The following TBK1 variants were observed in gnomAD, a reference collection of about 807,000 sequenced individuals.
The protein encoded by TBK1 is TANK binding kinase 1.
TBK1 carries 37 observed loss-of-function variants against 99.9 expected under a neutral mutation model. The ratio of observed to expected loss-of-function variants is 0.37; its 90% CI spans 0.28 to 0.49. TBK1 has a LOEUF of 0.49. Ranked by LOEUF, TBK1 falls within the 20% of genes least tolerant of loss-of-function variation. The pLI, the probability that TBK1 is intolerant of heterozygous loss-of-function variation, is 0.98. For missense variants in TBK1, 644 were observed against 872.5 expected, an observed-to-expected ratio of 0.74 and a Z score of 3.30; for synonymous variants, 258 against 279.8, an observed-to-expected ratio of 0.92 and a Z score of 0.78.
chr12:64,470,080 A>G (rs2136066204), intron 5 of TBK1, among the ~76,000 whole-genome samples: 1 of 152,328 alleles, frequency 6.6e-6, no homozygotes, highest in Admixed American at 6.5e-5. Context: ...AAAAGATGGC[A>G]GTTTTACTGG....
intron 6 of TBK1, among the ~76,000 whole-genome samples, chr12:64,479,234 C>T (rs2040743386): frequency 1.3e-5 from 2 of 152,182 alleles, no homozygotes; most frequent in South Asian, 2.1e-4. Context: ...TGTAAGCATT[C>T]CCCTAAGACT....
At chr12:64,487,870 A>T (rs1326473948) in intron 11 of TBK1, among the ~76,000 whole-genome samples, 1 of 152,180 alleles carries the variant, frequency 6.6e-6, no homozygotes, top group Admixed American at 6.5e-5. Context: ...CCCTTCAATT[A>T]TATATTTCTT....
At chr12:64,497,531 G>T in intron 18 of TBK1, 117 bp from the exon 19 acceptor site, 2 of 696,226 alleles carry the variant, frequency 2.9e-6, no homozygotes, top group Non-Finnish European at 4.5e-6. Flanking sequence ...AAAATTTAAA[G>T]TTTTTTTAAA....
At chr12:64,484,598 A>G (rs1255428415) in intron 9 of TBK1, 99 bp downstream of exon 9, 44 of 1,192,370 alleles carry the variant, frequency 3.7e-5, no homozygotes, top group Non-Finnish European at 5.0e-5. Context: ...AAAATAAAAC[A>G]AAAATTAGTG....
chr12:64,453,046 G>C (rs2040445057), intron 1 of TBK1: 1 of 152,204 alleles, frequency 6.6e-6, no homozygotes, highest in Non-Finnish European at 1.5e-5. Context: ...AAGGAAGTAG[G>C]CTGAAGACGG....
At chr12:64,495,422 G>A (rs1233924129) in intron 13 of TBK1, 61 bp from the exon 14 acceptor site, 3 of 1,586,868 alleles carry the variant, frequency 1.9e-6, no homozygotes, top group Non-Finnish European at 2.6e-6. Context: ...GACTTTGTTG[G>A]GACTGTGATG....
intron 20 of TBK1, among the ~76,000 whole-genome samples, chr12:64,500,903 C>A (rs993085493): frequency 6.6e-6 from 1 of 151,976 alleles, no homozygotes; most frequent in Non-Finnish European, 1.5e-5. Context: ...GGACTATAGG[C>A]ACACGCTACC....
chr12:64,501,208 T>TTAA (rs2040984988), intron 20 of TBK1, 122 bp from the exon 21 acceptor site: 1 of 878,680 alleles, frequency 1.1e-6, no homozygotes, highest in South Asian at 1.6e-5. Context: ...AAATCATAGT[T>TTAA]ACTTAAACTC....
chr12:64,468,632 A>G (rs2040630308), intron 5 of TBK1, among the ~76,000 whole-genome samples: 1 of 152,172 alleles, frequency 6.6e-6, no homozygotes. Flanking sequence ...TCCTGCTCTT[A>G]TGGAGCCCAC....
At chr12:64,495,907 G>A in intron 15 of TBK1, 132 bp downstream of exon 15, 2 of 558,664 alleles carry the variant, frequency 3.6e-6, no homozygotes, top group South Asian at 7.6e-5. Flanking sequence ...GATTCTGTCA[G>A]GAAAAAGGTT....
Position 64,495,556 on chromosome 12 carries a change from T to C in TBK1, c.1595T>C (p.Leu532Pro), listed in dbSNP as rs1192216525. ...IDSRLSPGGS[L>P]ADAWAHQEGT... ...AGCAGATTATCTCCAGGTGGATCAC[T>C]GGCAGACGCATGGGCACATCAAGAA... The change falls in exon 14 of 21, where the codon CTG (leucine) becomes CCG (proline). Residue 532 changes from leucine (L) to proline (P), a missense_variant. Coordinates refer to ENST00000331710, the MANE Select transcript of TBK1 (RefSeq NM_013254.4). 6.2e-7 allele frequency: 1 copy of C among 1,614,116 alleles called. No individual in the cohort carries two copies. Among genetic ancestry groups the C allele is most frequent in the Non-Finnish European group, 8.5e-7 (1 of 1,179,974 alleles).
Position 64,495,534 on chromosome 12 carries a change from A to C in TBK1, c.1573A>C (p.Arg525=). Residue 525 remains arginine (R), a synonymous_variant, in exon 14 of 21, where the codon AGA becomes CGA. Transcript: ENST00000331710. ...IETSLQDIDS[R]LSPGGSLADA... is the part of the protein sequence containing the mutation. ...AACCAGTCTTCAGGATATCGACAGCAGATTATCTCCAGGTGGATCACTGGC... is the reference window on the plus strand; with the variant it reads ...AACCAGTCTTCAGGATATCGACAGCCGATTATCTCCAGGTGGATCACTGGC... 6.2e-7 allele frequency: 1 copy of C among 1,614,152 alleles called. No homozygotes were observed. The highest frequency in any genetic ancestry group is 8.5e-7 in the Non-Finnish European group (1 of 1,179,982).
At chr12:64,487,180 A>G (rs541233657) in intron 11 of TBK1, among the ~76,000 whole-genome samples, 1 of 152,314 alleles carries the variant, frequency 6.6e-6, no homozygotes, top group Non-Finnish European at 1.5e-5. Flanking sequence ...AAAATGGAAA[A>G]TACATTATCT....
At chr12:64,496,173 T>A (rs528481821) in intron 15 of TBK1, among the ~76,000 whole-genome samples, 194 bp from the exon 16 acceptor site, 1 of 152,306 alleles carries the variant, frequency 6.6e-6, no homozygotes, top group East Asian at 1.9e-4. Context: ...ATGTTAACTG[T>A]TAATTGTTTT....
At chr12:64,453,831 T>A (rs2040455457) in intron 1 of TBK1, among the ~76,000 whole-genome samples, 1 of 152,234 alleles carries the variant, frequency 6.6e-6, no homozygotes, top group Non-Finnish European at 1.5e-5. Context: ...CCATAGCTTT[T>A]CAGTATTAAA....
At chr12:64,492,567 A>G (rs1429656653) in intron 13 of TBK1, among the ~76,000 whole-genome samples, 3 of 152,156 alleles carry the variant, frequency 2.0e-5, no homozygotes, top group African/African-American at 7.2e-5. Context: ...TGGCCTCCCA[A>G]AGTGCTGGGA....
chr12:64,460,354 T>A, intron 3 of TBK1, 25 bp downstream of exon 3: 1 of 1,494,902 alleles, frequency 6.7e-7, no homozygotes, highest in Non-Finnish European at 9.0e-7. Context: ...TTCAATCTTA[T>A]ATTTATTGTA....
chr12:64,457,393 T>C (rs181770263), intron 2 of TBK1, among the ~76,000 whole-genome samples: 1 of 152,288 alleles, frequency 6.6e-6, no homozygotes, highest in East Asian at 1.9e-4. Flanking sequence ...GTCCTAGAAA[T>C]TGCTTTTGTT....
At chr12:64,454,670 ATC>A (rs1175522538) in intron 1 of TBK1, among the ~76,000 whole-genome samples, 1,255 of 101,674 alleles carry the variant, frequency 0.012, 7 homozygotes, top group Admixed American at 0.023. Flanking sequence ...AGAAACTCAG[ATC>A]TTTTTTTTTT....
Sources: gnomAD v4.1 joint callset for allele counts (sites outside exome capture counted in the v4.1 genomes callset) on GRCh38, gnomAD v4.1.1 for gene constraint, MANE v1.5 for transcripts, NCBI Gene and HGNC (gene_info 2026-07-23, HGNC 2026-07-21) for gene names.